Variants in PCDHA10 observed in about 807,000 individuals in gnomAD.
PCDHA10 encodes the protein protocadherin alpha-10.
Under a neutral mutation model 61.2 loss-of-function variants are expected in PCDHA10, and 45 were observed. The observed-to-expected ratio is 0.74, with a 90% CI of 0.58 to 0.94. The LOEUF (loss-of-function observed/expected upper bound fraction) is 0.94, where lower values mean the gene tolerates loss of function less well. Among genes scored for constraint, PCDHA10 ranks in the 40% least tolerant of loss-of-function variants. PCDHA10 has a pLI of 0.00. For synonymous variants in PCDHA10, 602 were observed against 548.8 expected, an observed-to-expected ratio of 1.10 and a Z score of -1.35; for missense variants, 1,278 against 1,236.2, an observed-to-expected ratio of 1.03 and a Z score of -0.51.
Position 140,858,553 on chromosome 5 carries a change from G to A in PCDHA10, c.2388+117G>A, listed in dbSNP as rs782150802. 10 of 1,392,490 alleles carry A rather than the reference G, an allele frequency of 7.2e-6. 2 individuals are homozygous for A. In the South Asian group the frequency reaches 1.1e-4, roughly 16 times the overall value. The allele number at this position is 1,392,490 out of a possible 1,614,324, so 86.3% of individuals were successfully genotyped here. ...TTTTGTCTACATTCCATTTATGCTT[G>A]AATATTTCTAGTGATACCTTTGTAA... On this transcript the variant is annotated intron_variant, in intron 1 of 3. Coordinates refer to ENST00000307360, the MANE Select transcript of PCDHA10 (RefSeq NM_018901.4).
intron 1 of PCDHA10, chr5:140,884,043 C>A (rs1196406346): frequency 6.2e-7 from 1 of 1,613,248 alleles, no homozygotes; most frequent in African/African-American, 1.3e-5. Flanking sequence ...CACGTGGTGG[C>A]GAAGGTGCGC....
intron 1 of PCDHA10, among the ~76,000 whole-genome samples, chr5:140,879,347 T>A (rs530902728): frequency 3.3e-5 from 5 of 152,206 alleles, no homozygotes; most frequent in Admixed American, 2.0e-4. Context: ...GCTGAGAAGA[T>A]GACATTGCCA....
chr5:140,884,160 T>G lies in PCDHA10; in HGVS notation c.2388+25724T>G. 2 of 1,613,366 alleles carry G rather than the reference T, an allele frequency of 1.2e-6. No homozygotes were observed. The highest frequency in any genetic ancestry group is 1.7e-6 in the Non-Finnish European group (2 of 1,179,734). Reference sequence around the variant, plus strand: ...CGCGTGGGGCTGTACACTGGCGAGATCAGCACGACGCGCCCTCTGGACGAG... The same window carrying G: ...CGCGTGGGGCTGTACACTGGCGAGAGCAGCACGACGCGCCCTCTGGACGAG... On this transcript the variant is annotated intron_variant, in intron 1 of 3. Coordinates refer to ENST00000307360, the MANE Select transcript of PCDHA10 (RefSeq NM_018901.4).
rs2098417406 is a variant in PCDHA10, at chr5:141,010,474, G to A, written c.*537G>A. Reference sequence around the variant, plus strand: ...CGGAAGTTATCAGTATGGAGGGGAAGTGTAAACTTAAAGGGACCAGACTTT... The same window carrying A: ...CGGAAGTTATCAGTATGGAGGGGAAATGTAAACTTAAAGGGACCAGACTTT... On this transcript the variant is annotated 3_prime_UTR_variant, in exon 4 of 4. Transcript: ENST00000307360. The A allele has an allele frequency of 3.9e-6, 3 of 760,382 alleles. No individual in the cohort carries two copies. The highest frequency in any genetic ancestry group is 3.2e-5 in the Admixed American group (1 of 31,594). The allele number at this position is 760,382 out of a possible 1,614,324, so 47.1% of individuals were successfully genotyped here.
At chr5:140,869,861 AAAATGCTGCT>A in intron 1 of PCDHA10, 1 of 1,610,746 alleles carries the variant, frequency 6.2e-7, no homozygotes, top group Admixed American at 1.7e-5. Flanking sequence ...AGCCTTATGG[AAAATGCTGCT>A]AAAGAAACTC....
At chr5:141,004,681 G>A (rs1554259668) in intron 3 of PCDHA10, among the ~76,000 whole-genome samples, 1 of 152,176 alleles carries the variant, frequency 6.6e-6, no homozygotes. Flanking sequence ...CTGTGGAGTG[G>A]TGCTGAAACC....
chr5:140,929,306 A>G lies in PCDHA10; in HGVS notation c.2389-49643A>G, dbSNP rs781950847. 9 of 1,572,580 alleles carry G rather than the reference A, an allele frequency of 5.7e-6. No homozygotes were observed. The Admixed American group carries it at 9.0e-5, about 16-fold the overall frequency. On this transcript the variant is annotated intron_variant, in intron 1 of 3. Coordinates refer to ENST00000307360, the MANE Select transcript of PCDHA10 (RefSeq NM_018901.4). The stretch of plus-strand genomic sequence containing the variant: ...CAGATTCGGAATAGGAAAGGGGATC[A>G]CGCTAATGTCAATGCCATGGTAAGC...
At chr5:140,950,706 G>A (rs72802969) in intron 1 of PCDHA10, among the ~76,000 whole-genome samples, 841 of 152,058 alleles carry the variant, frequency 5.5e-3, no homozygotes, top group Middle Eastern at 0.017. Flanking sequence ...ACAAATTTTT[G>A]TTCCTTATAT....
chr5:140,942,518 G>A (rs2093312014), intron 1 of PCDHA10, among the ~76,000 whole-genome samples: 1 of 151,908 alleles, frequency 6.6e-6, no homozygotes, highest in Non-Finnish European at 1.5e-5. Flanking sequence ...ACTCAGAGGG[G>A]AAGCAACTAA....
In PCDHA10 at chr5:140,870,564, G is replaced by A. The variant is rs782511789; in HGVS notation, c.2388+12128G>A. ...GGGACGCGGACGCGCAGGAGAACGCGCTGGTGTCCTACTCGCTGGTGGAGC... is the reference window on the plus strand; with the variant it reads ...GGGACGCGGACGCGCAGGAGAACGCACTGGTGTCCTACTCGCTGGTGGAGC... On this transcript the variant is annotated intron_variant, in intron 1 of 3. Coordinates refer to ENST00000307360, the MANE Select transcript of PCDHA10 (RefSeq NM_018901.4). 2.5e-6 allele frequency: 4 copies of A among 1,613,884 alleles called. No individual in the cohort carries two copies. In the African/African-American group the frequency reaches 4.0e-5, roughly 16 times the overall value.
At chr5:140,998,049 ACAT>A (rs782468760) in intron 3 of PCDHA10, among the ~76,000 whole-genome samples, 4 of 152,194 alleles carry the variant, frequency 2.6e-5, no homozygotes, top group Admixed American at 6.5e-5. Flanking sequence ...TAACTCAGTG[ACAT>A]CATCATCAAC....
At chr5:140,989,363 T>A (rs2097339689) in intron 3 of PCDHA10, among the ~76,000 whole-genome samples, 1 of 152,158 alleles carries the variant, frequency 6.6e-6, no homozygotes, top group Non-Finnish European at 1.5e-5. Flanking sequence ...GTCACCTGTG[T>A]GACTGAGAGC....
chr5:140,897,199 A>G (rs760377746), intron 1 of PCDHA10, among the ~76,000 whole-genome samples: 1 of 152,030 alleles, frequency 6.6e-6, no homozygotes, highest in Admixed American at 6.6e-5. Flanking sequence ...TTTTTTTATT[A>G]TACTTTAAGT....
At chr5:140,863,428 G>A (rs528139564) in intron 1 of PCDHA10, 7 of 657,564 alleles carry the variant, frequency 1.1e-5, no homozygotes, top group Non-Finnish European at 1.9e-5. Context: ...CAGCGTAGTG[G>A]GATCTGGTCT....
chr5:140,985,739 C>CTTT (rs11372071), intron 3 of PCDHA10, among the ~76,000 whole-genome samples: 39 of 117,922 alleles, frequency 3.3e-4, no homozygotes, highest in Non-Finnish European at 4.1e-4. Context: ...TGATGAATTC[C>CTTT]TTTTTTTTTT....
chr5:140,874,587 T>A (rs1221042797), intron 1 of PCDHA10, among the ~76,000 whole-genome samples: 1 of 152,256 alleles, frequency 6.6e-6, no homozygotes, highest in Admixed American at 6.5e-5. Flanking sequence ...TGCTTTGGGA[T>A]AGTGTGAAAT....
chr5:140,879,838 A>G (rs73793511), intron 1 of PCDHA10, among the ~76,000 whole-genome samples: 3,913 of 152,230 alleles, frequency 0.026, 159 homozygotes, highest in African/African-American at 0.089. Flanking sequence ...TTGTGGCTGT[A>G]CCACTCCCAT....
intron 1 of PCDHA10, chr5:140,966,850 C>A: frequency 6.4e-7 from 1 of 1,572,900 alleles, no homozygotes; most frequent in Non-Finnish European, 8.6e-7. Flanking sequence ...TACTGCCTCT[C>A]CTGCTGCTGT....
chr5:140,947,321 A>C (rs1365578593), intron 1 of PCDHA10, among the ~76,000 whole-genome samples: 5 of 151,748 alleles, frequency 3.3e-5, no homozygotes, highest in East Asian at 3.9e-4. Flanking sequence ...AAGTCGGTTG[A>C]CCATAAATGT....
Sources: gnomAD v4.1 joint callset for allele counts (sites outside exome capture counted in the v4.1 genomes callset) on GRCh38, gnomAD v4.1.1 for gene constraint, MANE v1.5 for transcripts, NCBI Gene and HGNC (gene_info 2026-07-23, HGNC 2026-07-21) for gene names.